Variants in YES1 observed in about 807,000 individuals in gnomAD.
The protein encoded by YES1 is tyrosine-protein kinase Yes.
A neutral mutation model predicts 70.4 loss-of-function variants in YES1; 39 were observed. The observed-to-expected ratio is 0.55, with a 90% CI of 0.43 to 0.72. YES1 has a LOEUF of 0.72. YES1 is among the 30% of genes least tolerant of loss of function. The pLI is 0.00. For missense variants in YES1, 495 were observed against 644.8 expected (o/e 0.77, Z 2.52); for synonymous variants, 198 against 218.6 (o/e 0.91, Z 0.83).
chr18:782,142 T>C (rs1905702890), intron 1 of YES1, among the ~76,000 whole-genome samples: 1 of 152,198 alleles, frequency 6.6e-6, no homozygotes, highest in South Asian at 2.1e-4. Flanking sequence ...ACCACCTCCA[T>C]GTGTTTTATC....
rs56748581 is a variant in YES1, at chr18:804,913, C to CAAAAAA, written c.-9+7195_-9+7200dup. Among the ~76,000 whole-genome samples, 49 of 94,100 alleles carry CAAAAAA rather than the reference C, an allele frequency of 5.2e-4. 7 individuals carry two copies. The highest frequency in any genetic ancestry group is 5.3e-3 in the Middle Eastern group (1 of 190). 61.7% of individuals were successfully genotyped at this position (94,100 alleles called of 152,430 possible). ...TGGGCGACAGAGTGAGACTCTGACT[C>CAAAAAA]AAAAAAAAAAAACACAAACCAAAAA... On this transcript the variant is annotated intron_variant, in intron 1 of 11. Coordinates refer to ENST00000314574, the MANE Select transcript of YES1 (RefSeq NM_005433.4).
chr18:801,598 A>G (rs1425669152), intron 1 of YES1, among the ~76,000 whole-genome samples: 2 of 152,236 alleles, frequency 1.3e-5, no homozygotes, highest in Non-Finnish European at 2.9e-5. Flanking sequence ...GAAATAAATG[A>G]TATAATTAGT....
intron 2 of YES1, 69 bp from the exon 3 acceptor site, chr18:751,873 T>G: frequency 4.4e-6 from 4 of 914,858 alleles, no homozygotes; most frequent in Non-Finnish European, 6.8e-6. Context: ...AAAGAACTAT[T>G]GCCAGCCAAA....
In YES1 at chr18:724,609, C is replaced by G. The variant is rs2079996195; in HGVS notation, c.1447G>C (p.Glu483Gln). The G allele has an allele frequency of 6.2e-7, 1 of 1,613,990 alleles. No individual in the cohort carries two copies. The highest frequency in any genetic ancestry group is 1.1e-5 in the South Asian group (1 of 91,082). Residue 483 changes from glutamate (E) to glutamine (Q), a missense_variant, in exon 12 of 12, where the codon GAA (glutamate) becomes CAA (glutamine). Transcript: ENST00000314574. ...YPGMVNREVL[E>Q]QVERGYRMPC... Reference sequence around the variant, plus strand: ...ATCCTGTATCCTCGCTCCACTTGTTCTAATACTTCACGGTTCACCATACCT... The same window carrying G: ...ATCCTGTATCCTCGCTCCACTTGTTGTAATACTTCACGGTTCACCATACCT...
intron 1 of YES1, among the ~76,000 whole-genome samples, chr18:765,785 C>G (rs941353468): frequency 6.6e-6 from 1 of 152,136 alleles, no homozygotes; most frequent in Non-Finnish European, 1.5e-5. Flanking sequence ...AAGACAAAAT[C>G]AAGTCAAGTG....
At chr18:800,258 C>T (rs962872014) in intron 1 of YES1, among the ~76,000 whole-genome samples, 1 of 152,222 alleles carries the variant, frequency 6.6e-6, no homozygotes, top group Non-Finnish European at 1.5e-5. Flanking sequence ...CTGACTGCTG[C>T]ATGTTCCTAC....
intron 1 of YES1, among the ~76,000 whole-genome samples, chr18:810,732 T>C (rs1040576041): frequency 2.0e-5 from 3 of 152,216 alleles, no homozygotes; most frequent in Non-Finnish European, 2.9e-5. Flanking sequence ...ACAATTTAAC[T>C]TCCTTTCCTT....
At chr18:756,983 G>A (rs1450068855) in intron 1 of YES1, 148 bp from the exon 2 acceptor site, 1 of 800,048 alleles carries the variant, frequency 1.2e-6, no homozygotes, top group Non-Finnish European at 1.9e-6. Context: ...CTGAAAACGA[G>A]GTCTCTTCCC....
At chr18:732,704 TG>T in intron 11 of YES1, 129 bp downstream of exon 11, 1 of 1,206,052 alleles carries the variant, frequency 8.3e-7, no homozygotes. Flanking sequence ...AGGGAAGGAG[TG>T]GGGAGAGGGA....
At chr18:779,500 T>C (rs1221557140) in intron 1 of YES1, among the ~76,000 whole-genome samples, 2 of 152,100 alleles carry the variant, frequency 1.3e-5, no homozygotes, top group East Asian at 3.8e-4. Flanking sequence ...AGCCTCAAGA[T>C]TTTTAAAAAA....
At chr18:778,076 A>C (rs1321470983) in intron 1 of YES1, among the ~76,000 whole-genome samples, 1 of 152,150 alleles carries the variant, frequency 6.6e-6, no homozygotes, top group Non-Finnish European at 1.5e-5. Context: ...TTTGATCCCA[A>C]AATAATCCCA....
intron 1 of YES1, among the ~76,000 whole-genome samples, chr18:801,124 C>T (rs922750151): frequency 2.0e-5 from 3 of 151,870 alleles, no homozygotes; most frequent in African/African-American, 7.3e-5. Flanking sequence ...CCAGCCTGGG[C>T]AACAGAGCGA....
At position 743,245 on chromosome 18, in the gene YES1, AT is replaced by A; in HGVS notation, c.880+14del. 1 of 1,601,622 alleles carries A rather than the reference AT, an allele frequency of 6.2e-7. No individual in the cohort carries two copies. Among genetic ancestry groups the A allele is most frequent in the Non-Finnish European group, 8.5e-7 (1 of 1,172,558 alleles). ...AGCTAAACAATGACAGAAAACAAAA[AT>A]TCAGGCTTCTTACCCATCCACACTT... On this transcript the variant is annotated intron_variant, in intron 7 of 11. Transcript: ENST00000314574.
intron 1 of YES1, among the ~76,000 whole-genome samples, chr18:794,465 A>G (rs927359723): frequency 1.3e-5 from 2 of 152,234 alleles, no homozygotes; most frequent in Admixed American, 6.5e-5. Flanking sequence ...GATTTTTGTT[A>G]TAAAGAATAT....
chr18:742,842 T>A, intron 8 of YES1, 76 bp downstream of exon 8: 1 of 1,203,970 alleles, frequency 8.3e-7, no homozygotes, highest in Non-Finnish European at 1.1e-6. Context: ...GAAAACAGTA[T>A]AAGTCTATAT....
intron 3 of YES1, among the ~76,000 whole-genome samples, chr18:751,423 A>T (rs983461288): frequency 6.6e-5 from 10 of 152,102 alleles, no homozygotes; most frequent in East Asian, 3.9e-4. Context: ...AAAGTTTTTT[A>T]AAAAAATAAT....
At chr18:764,384 G>A (rs1318575310) in intron 1 of YES1, among the ~76,000 whole-genome samples, 2 of 151,934 alleles carry the variant, frequency 1.3e-5, no homozygotes, top group Non-Finnish European at 2.9e-5. Context: ...CACCATGCCC[G>A]GCTAATTTTG....
chr18:795,482 C>G (rs1021788416), intron 1 of YES1, among the ~76,000 whole-genome samples: 2 of 152,056 alleles, frequency 1.3e-5, no homozygotes, highest in African/African-American at 4.8e-5. Context: ...CTATTTACAA[C>G]AGCAAAGACT....
At chr18:767,511 T>C (rs944212650) in intron 1 of YES1, among the ~76,000 whole-genome samples, 2 of 152,160 alleles carry the variant, frequency 1.3e-5, no homozygotes, top group African/African-American at 4.8e-5. Context: ...TTGAAAAACC[T>C]ATCCATTTCC....
Sources: allele counts gnomAD v4.1 joint callset (sites outside exome capture counted in the v4.1 genomes callset), GRCh38; gene constraint gnomAD v4.1.1; transcripts MANE v1.5; gene names NCBI Gene and HGNC (gene_info 2026-07-23, HGNC 2026-07-21).